GRID2: variants seen among roughly 807,000 people sequenced by gnomAD.
GRID2 encodes the protein glutamate receptor ionotropic, delta-2.
GRID2 carries 33 observed loss-of-function variants against 114.8 expected under a neutral mutation model. The ratio of observed to expected loss-of-function variants is 0.29; its 90% CI spans 0.22 to 0.38. GRID2 has a LOEUF of 0.38. Ranked by LOEUF, GRID2 falls within the 10% of genes least tolerant of loss-of-function variation. GRID2 has a pLI of 1.00. For missense variants in GRID2, 1,184 were observed against 1,257.7 expected, an observed-to-expected ratio of 0.94 and a Z score of 0.89; for synonymous variants, 505 against 449.9, an observed-to-expected ratio of 1.12 and a Z score of -1.55.
intron 2 of GRID2, among the ~76,000 whole-genome samples, chr4:92,641,847 A>G (rs946868970): frequency 4.3e-4 from 65 of 150,022 alleles, no homozygotes; most frequent in African/African-American, 1.3e-3. Flanking sequence ...TGTATGTTCA[A>G]TGTTTTCCTT....
rs944831538 is a variant in GRID2 at position 92,795,932 on chromosome 4, A to G, written c.244+205646A>G. 5.3e-5 allele frequency among the ~76,000 whole-genome samples: 8 copies of G among 152,084 alleles called. No individual in the cohort carries two copies. The East Asian group carries it at 1.4e-3, about 26-fold the overall frequency. ...CCTTTTTTATTTATATATTTTTGCCACATCCACAGTTTCTTTCATGATTTC... is the reference window on the plus strand; with the variant it reads ...CCTTTTTTATTTATATATTTTTGCCGCATCCACAGTTTCTTTCATGATTTC... On this transcript the variant is annotated intron_variant, in intron 2 of 15. Transcript: ENST00000282020.
At position 93,080,714 on chromosome 4, in the gene GRID2, G is replaced by A. The variant is rs562888596; in HGVS notation, c.245-4281G>A. On this transcript the variant is annotated intron_variant, in intron 2 of 15. Coordinates refer to ENST00000282020, the MANE Select transcript of GRID2 (RefSeq NM_001510.4). ...TGATCTCCAGGGAAGTTCCTTGGACGTGGTTGAAAGTTGATTATTTATATT... is the reference window on the plus strand; with the variant it reads ...TGATCTCCAGGGAAGTTCCTTGGACATGGTTGAAAGTTGATTATTTATATT... Among the ~76,000 whole-genome samples, 22 of 152,282 alleles carry A rather than the reference G, an allele frequency of 1.4e-4. No individual in the cohort carries two copies. The East Asian group carries it at 2.7e-3, about 19-fold the overall frequency.
At chr4:93,303,903 CT>C (rs1452236382) in intron 8 of GRID2, among the ~76,000 whole-genome samples, 14 of 151,972 alleles carry the variant, frequency 9.2e-5, no homozygotes, top group Admixed American at 3.3e-4. Context: ...ACAAATATTG[CT>C]TTTTAATTTT....
intron 14 of GRID2, among the ~76,000 whole-genome samples, chr4:93,686,140 G>A (rs557549314): frequency 6.6e-6 from 1 of 151,712 alleles, no homozygotes; most frequent in South Asian, 2.1e-4. Context: ...CTATCTCTAC[G>A]TCTCGTATTC....
intron 2 of GRID2, among the ~76,000 whole-genome samples, chr4:92,633,096 T>G (rs151043355): frequency 4.0e-4 from 61 of 152,232 alleles, no homozygotes; most frequent in African/African-American, 1.4e-3. Context: ...AGACGTGAAG[T>G]GACAGGCTTG....
intron 2 of GRID2, among the ~76,000 whole-genome samples, chr4:92,902,361 T>C (rs1747641886): frequency 6.6e-6 from 1 of 152,084 alleles, no homozygotes; most frequent in South Asian, 2.1e-4. Context: ...TAGCTAGTGG[T>C]CTATCAGTTT....
chr4:92,646,026 T>C (rs547501773), intron 2 of GRID2, among the ~76,000 whole-genome samples: 1 of 151,784 alleles, frequency 6.6e-6, no homozygotes, highest in Non-Finnish European at 1.5e-5. Context: ...AAAAGAATTT[T>C]CCATCTTGAT....
At chr4:93,466,422 A>G (rs1724277141) in intron 11 of GRID2, among the ~76,000 whole-genome samples, 1 of 152,194 alleles carries the variant, frequency 6.6e-6, no homozygotes, top group South Asian at 2.1e-4. Flanking sequence ...TTACAGCTCC[A>G]TGACTGCCCC....
intron 2 of GRID2, chr4:92,822,295 A>G (rs1397927600): frequency 4.9e-6 from 3 of 608,564 alleles, no homozygotes; most frequent in Admixed American, 1.9e-5. Context: ...CATGGCCAGC[A>G]TTGCCTCCAG....
intron 4 of GRID2, among the ~76,000 whole-genome samples, chr4:93,141,626 C>T (rs1485785566): frequency 6.6e-6 from 1 of 152,158 alleles, no homozygotes; most frequent in Non-Finnish European, 1.5e-5. Flanking sequence ...CAGAGAGCTG[C>T]CAAGTTCATT....
At chr4:92,412,441 A>G (rs1731383754) in intron 1 of GRID2, among the ~76,000 whole-genome samples, 1 of 152,190 alleles carries the variant, frequency 6.6e-6, no homozygotes, top group South Asian at 2.1e-4. Context: ...GAAAAATAAG[A>G]GGACAACATT....
intron 4 of GRID2, among the ~76,000 whole-genome samples, chr4:93,180,785 T>C (rs182020295): frequency 6.6e-6 from 1 of 152,288 alleles, no homozygotes; most frequent in East Asian, 1.9e-4. Context: ...TCAAATTTAA[T>C]CATGAGATTG....
In GRID2 at chr4:92,531,185, G is replaced by A. The variant is rs16996331; in HGVS notation, c.89-58946G>A. 6.0e-3 allele frequency among the ~76,000 whole-genome samples: 920 copies of A among 152,158 alleles called. 9 individuals are homozygous for A. Among genetic ancestry groups the A allele is most frequent in the African/African-American group, 0.021 (879 of 41,546 alleles). On this transcript the variant is annotated intron_variant, in intron 1 of 15. Transcript: ENST00000282020. ...TCACTGGAGCTTAGTTTTCGGCATAGATAGATGTTGGATCAATGAGTGTTT... is the reference window on the plus strand; with the variant it reads ...TCACTGGAGCTTAGTTTTCGGCATAAATAGATGTTGGATCAATGAGTGTTT...
At chr4:93,696,166 TGTTCCAC>T (rs1265453222) in intron 14 of GRID2, among the ~76,000 whole-genome samples, 5 of 152,236 alleles carry the variant, frequency 3.3e-5, no homozygotes, top group Non-Finnish European at 7.3e-5. Flanking sequence ...ATACTGACCA[TGTTCCAC>T]CCTTCTACAT....
At chr4:92,768,247 G>A (rs895694656) in intron 2 of GRID2, among the ~76,000 whole-genome samples, 3 of 152,058 alleles carry the variant, frequency 2.0e-5, no homozygotes, top group African/African-American at 7.3e-5. Flanking sequence ...TGTTACATAT[G>A]AGTGTTTTGC....
intron 8 of GRID2, among the ~76,000 whole-genome samples, chr4:93,270,074 G>A (rs1323122009): frequency 6.6e-6 from 1 of 152,078 alleles, no homozygotes; most frequent in Non-Finnish European, 1.5e-5. Context: ...TACATGCATA[G>A]AGAAGTTAAG....
chr4:93,470,184 T>A (rs1441613691), intron 11 of GRID2, among the ~76,000 whole-genome samples: 2 of 152,084 alleles, frequency 1.3e-5, no homozygotes, highest in Non-Finnish European at 2.9e-5. Flanking sequence ...TGTAAGATAT[T>A]GAATCTGGCC....
intron 1 of GRID2, among the ~76,000 whole-genome samples, chr4:93,804,736 A>C (rs1734998219): frequency 6.6e-6 from 1 of 152,184 alleles, no homozygotes; most frequent in Non-Finnish European, 1.5e-5. Context: ...TGTTCTTTGA[A>C]GTCACAGGGC....
intron 2 of GRID2, among the ~76,000 whole-genome samples, chr4:92,835,521 T>C (rs573498264): frequency 1.1e-4 from 16 of 152,272 alleles, no homozygotes; most frequent in Non-Finnish European, 1.6e-4. Context: ...AGGCTGTACA[T>C]TAGTTTTACC....
Sources: allele counts gnomAD v4.1 joint callset (sites outside exome capture counted in the v4.1 genomes callset), GRCh38; gene constraint gnomAD v4.1.1; transcripts MANE v1.5; gene names NCBI Gene and HGNC (gene_info 2026-07-23, HGNC 2026-07-21).